The following NDFIP1 variants were observed in gnomAD, a reference collection of about 807,000 sequenced individuals.
NDFIP1 encodes the protein Nedd4 family interacting protein 1, also known as NEDD4 family-interacting protein 1.
Under a neutral mutation model 28.8 loss-of-function variants are expected in NDFIP1, and 7 were observed. That is an observed-to-expected ratio of 0.24 (90% CI 0.14 to 0.46). The LOEUF is 0.46. Ranked by LOEUF, NDFIP1 falls within the 20% of genes least tolerant of loss-of-function variation. The probability of loss-of-function intolerance (pLI) is 0.99; values close to 1 mark genes in which losing one functional copy is unlikely to be tolerated. For synonymous variants in NDFIP1, 92 were observed against 101.0 expected, an observed-to-expected ratio of 0.91 and a Z score of 0.53; for missense variants, 194 against 269.1, an observed-to-expected ratio of 0.72 and a Z score of 1.95.
intron 1 of NDFIP1, among the ~76,000 whole-genome samples, chr5:142,126,928 A>G (rs1327508102): frequency 6.6e-6 from 1 of 152,174 alleles, no homozygotes; most frequent in Non-Finnish European, 1.5e-5. Context: ...GAGATTCATA[A>G]AAATGTCATA....
Position 142,137,789 on chromosome 5 carries a change from A to G in NDFIP1, c.426A>G (p.Ser142=), listed in dbSNP as rs200462618. ...GFFLSFCLTT[S]AAGRYGAISG... is the part of the protein sequence containing the mutation. ...TCCTGTCTTTTTGCCTGACCACTTCAGCTGCAGGAAGGTATGGGGCCATTT... is the reference window on the plus strand; with the variant it reads ...TCCTGTCTTTTTGCCTGACCACTTCGGCTGCAGGAAGGTATGGGGCCATTT... The change falls in exon 5 of 8, where the codon TCA becomes TCG. Residue 142 remains serine, a synonymous_variant. Coordinates refer to ENST00000253814, the MANE Select transcript of NDFIP1 (RefSeq NM_030571.4). 66 of 1,614,004 alleles carry G rather than the reference A, an allele frequency of 4.1e-5. No individual in the cohort carries two copies. The highest frequency in any genetic ancestry group is 5.2e-5 in the Non-Finnish European group (61 of 1,180,018).
intron 6 of NDFIP1, among the ~76,000 whole-genome samples, chr5:142,141,352 A>G (rs1318436634): frequency 2.7e-5 from 4 of 150,676 alleles, no homozygotes; most frequent in Admixed American, 2.6e-4. Context: ...ATTTTTTTGT[A>G]TTTTTAGTAG....
At chr5:142,126,990 GA>G (rs35952555) in intron 1 of NDFIP1, among the ~76,000 whole-genome samples, 101,674 of 150,962 alleles carry the variant, frequency 0.67, 34,423 homozygotes, top group African/African-American at 0.77. Context: ...GATAAGGAGG[GA>G]AAAAAAAACG....
intron 1 of NDFIP1, among the ~76,000 whole-genome samples, chr5:142,120,726 C>G (rs1757114958): frequency 6.6e-6 from 1 of 152,234 alleles, no homozygotes; most frequent in South Asian, 2.1e-4. Context: ...GACCCCACAT[C>G]AGTTGTGGCC....
At chr5:142,132,111 T>G (rs1474369351) in intron 2 of NDFIP1, 101 bp from the exon 3 acceptor site, 4 of 1,390,120 alleles carry the variant, frequency 2.9e-6, no homozygotes, top group Admixed American at 2.3e-5. Flanking sequence ...ATGTATGTAC[T>G]CTTAAGGGAA....
chr5:142,130,071 A>G (rs2126916977), intron 1 of NDFIP1, among the ~76,000 whole-genome samples: 1 of 152,294 alleles, frequency 6.6e-6, no homozygotes, highest in South Asian at 2.1e-4. Context: ...CAAGTATGTC[A>G]GTTGGCTCTG....
chr5:142,132,136 C>T (rs1210545350), intron 2 of NDFIP1, 76 bp from the exon 3 acceptor site: 5 of 1,540,398 alleles, frequency 3.2e-6, no homozygotes, highest in Non-Finnish European at 4.4e-6. Context: ...TGGGTTTTGT[C>T]TGCTAGAGTT....
At chr5:142,150,592 G>A (rs413214) in intron 7 of NDFIP1, among the ~76,000 whole-genome samples, 102,306 of 151,830 alleles carry the variant, frequency 0.67, 34,789 homozygotes, top group African/African-American at 0.77. Context: ...GGGCATAGTG[G>A]TGCACGCCTG....
In NDFIP1 at chr5:142,139,281, T is replaced by C. The variant is rs546623886; in HGVS notation, c.496-1282T>C. Among the ~76,000 whole-genome samples the C allele has an allele frequency of 3.3e-5, 5 of 151,826 alleles. No individual in the cohort carries two copies. In the South Asian group the frequency reaches 1.0e-3, roughly 32 times the overall value. On this transcript the variant is annotated intron_variant, in intron 5 of 7. Coordinates refer to ENST00000253814, the MANE Select transcript of NDFIP1 (RefSeq NM_030571.4). Reference sequence around the variant, plus strand: ...CAGGTAGGATGCTTTTGACTGTGAGTAACAAAAACCTAGCTCAAAATGGCT... The same window carrying C: ...CAGGTAGGATGCTTTTGACTGTGAGCAACAAAAACCTAGCTCAAAATGGCT...
At chr5:142,144,725 T>C (rs1182820200) in intron 7 of NDFIP1, 49 bp downstream of exon 7, 1 of 1,213,316 alleles carries the variant, frequency 8.2e-7, no homozygotes, top group African/African-American at 1.5e-5. Context: ...ATGTGCTACA[T>C]TGTAGATTTC....
intron 1 of NDFIP1, among the ~76,000 whole-genome samples, chr5:142,131,584 T>C (rs539378040): frequency 6.6e-6 from 1 of 152,338 alleles, no homozygotes; most frequent in East Asian, 1.9e-4. Context: ...TTGTTTCTAA[T>C]TTTTGCTGAC....
At chr5:142,135,941 C>T in intron 4 of NDFIP1, 124 bp downstream of exon 4, 2 of 596,216 alleles carry the variant, frequency 3.4e-6, no homozygotes. Flanking sequence ...TTATTTGGTG[C>T]CTTTTACTGG....
At chr5:142,121,208 A>G (rs536161362) in intron 1 of NDFIP1, among the ~76,000 whole-genome samples, 5 of 152,354 alleles carry the variant, frequency 3.3e-5, no homozygotes, top group African/African-American at 1.2e-4. Context: ...TTTCCTTCAT[A>G]TATAATACAA....
intron 1 of NDFIP1, among the ~76,000 whole-genome samples, chr5:142,127,708 C>T (rs561507349): frequency 1.4e-4 from 21 of 152,292 alleles, no homozygotes; most frequent in Non-Finnish European, 2.5e-4. Context: ...ATAATCCCAG[C>T]GCTTTGGGAG....
At chr5:142,136,755 C>CAAAAA (rs33932095) in intron 4 of NDFIP1, among the ~76,000 whole-genome samples, 11 of 76,320 alleles carry the variant, frequency 1.4e-4, no homozygotes, top group Admixed American at 3.4e-4. Flanking sequence ...GACTTCGTCT[C>CAAAAA]AAAAAAAAAA....
rs568268558 is a variant in NDFIP1 at position 142,124,118 on chromosome 5, C to T, written c.64-7690C>T. ...CTCTTGGCTGTAGGTTTTCCTCAAG[C>T]TGGGTGCCAGAAAACAGAGGATTAT... is the stretch of plus-strand genomic sequence containing the variant. On this transcript the variant is annotated intron_variant, in intron 1 of 7. Transcript: ENST00000253814. 7.2e-5 allele frequency among the ~76,000 whole-genome samples: 11 copies of T among 152,128 alleles called. No homozygotes were observed. The South Asian group carries it at 2.1e-3, about 29-fold the overall frequency.
At chr5:142,131,740 T>A in intron 1 of NDFIP1, 68 bp from the exon 2 acceptor site, 1 of 1,237,298 alleles carries the variant, frequency 8.1e-7, no homozygotes, top group East Asian at 2.6e-5. Context: ...GCTATTTATT[T>A]CAGTTTTTGG....
chr5:142,111,399 A>G (rs542526145), intron 1 of NDFIP1, among the ~76,000 whole-genome samples: 12 of 152,260 alleles, frequency 7.9e-5, no homozygotes, highest in Non-Finnish European at 1.5e-4. Context: ...TTTGGTCACT[A>G]AGAATGTTTA....
At chr5:142,124,694 A>G (rs1279511978) in intron 1 of NDFIP1, among the ~76,000 whole-genome samples, 1 of 152,142 alleles carries the variant, frequency 6.6e-6, no homozygotes, top group Non-Finnish European at 1.5e-5. Flanking sequence ...TGATTTTTAA[A>G]TGTGTTTTCA....
Sources: allele counts gnomAD v4.1 joint callset (sites outside exome capture counted in the v4.1 genomes callset), GRCh38; gene constraint gnomAD v4.1.1; transcripts MANE v1.5; gene names NCBI Gene and HGNC (gene_info 2026-07-23, HGNC 2026-07-21).